The following TMEFF2 variants were observed in gnomAD, a reference collection of about 807,000 sequenced individuals.
TMEFF2 encodes transmembrane protein with EGF like and two follistatin like domains 2, also known as tomoregulin-2.
Under a neutral mutation model 53.8 loss-of-function variants are expected in TMEFF2, and 28 were observed. The ratio of observed to expected loss-of-function variants is 0.52; its 90% CI spans 0.39 to 0.71. The LOEUF is 0.71. Among genes scored for constraint, TMEFF2 ranks in the 30% least tolerant of loss-of-function variants. The pLI, the probability that TMEFF2 is intolerant of heterozygous loss-of-function variation, is 0.00. For synonymous variants in TMEFF2, 162 were observed against 166.3 expected, an observed-to-expected ratio of 0.97 and a Z score of 0.20; for missense variants, 353 against 455.2, an observed-to-expected ratio of 0.78 and a Z score of 2.04.
intron 7 of TMEFF2, among the ~76,000 whole-genome samples, chr2:191,964,023 T>C (rs948957548): frequency 1.3e-5 from 2 of 152,210 alleles, no homozygotes; most frequent in Non-Finnish European, 2.9e-5. Context: ...ACAGAATTGC[T>C]GTCGAAGTCA....
At chr2:192,178,335 G>A (rs1691101034) in intron 4 of TMEFF2, 2 of 148,864 alleles carry the variant, frequency 1.3e-5, no homozygotes, top group South Asian at 2.1e-4. Context: ...GATTTAATAT[G>A]CTATTCTAAG....
At chr2:191,957,342 G>C (rs915160623) in intron 7 of TMEFF2, among the ~76,000 whole-genome samples, 3 of 152,052 alleles carry the variant, frequency 2.0e-5, no homozygotes, top group African/African-American at 7.2e-5. Context: ...GAGAAATATA[G>C]CTTTTATGAA....
intron 7 of TMEFF2, among the ~76,000 whole-genome samples, chr2:191,960,608 G>C (rs1436375542): frequency 6.6e-6 from 1 of 152,102 alleles, no homozygotes; most frequent in Non-Finnish European, 1.5e-5. Flanking sequence ...ATATTTCTCT[G>C]GTAATGCCCC....
chr2:191,983,869 C>A (rs1052221102), intron 7 of TMEFF2, among the ~76,000 whole-genome samples: 1 of 152,178 alleles, frequency 6.6e-6, no homozygotes, highest in Non-Finnish European at 1.5e-5. Flanking sequence ...AATTCAATAT[C>A]GTTTCTAAAT....
chr2:192,051,929 A>AT (rs1384158951), intron 5 of TMEFF2, among the ~76,000 whole-genome samples: 4 of 152,156 alleles, frequency 2.6e-5, no homozygotes, highest in African/African-American at 2.4e-5. Flanking sequence ...TTTGGAACTC[A>AT]TTTTTTTGCA....
intron 4 of TMEFF2, among the ~76,000 whole-genome samples, chr2:192,144,126 G>A (rs765162675): frequency 1.4e-4 from 21 of 151,968 alleles, no homozygotes; most frequent in African/African-American, 3.9e-4. Context: ...TGAAATCTGC[G>A]TTCAAGTACT....
intron 5 of TMEFF2, among the ~76,000 whole-genome samples, chr2:192,046,388 AAG>A (rs1430179645): frequency 6.6e-6 from 1 of 152,042 alleles, no homozygotes; most frequent in Non-Finnish European, 1.5e-5. Context: ...AAAAAGAAAA[AAG>A]AGAAAGAAAT....
chr2:192,153,903 C>T (rs1008756026), intron 4 of TMEFF2, among the ~76,000 whole-genome samples: 2 of 151,830 alleles, frequency 1.3e-5, no homozygotes, highest in Admixed American at 6.6e-5. Flanking sequence ...AACATAAAAT[C>T]GCTTTTTCAT....
chr2:192,078,159 T>G (rs13419057), intron 4 of TMEFF2, among the ~76,000 whole-genome samples: 18,152 of 152,150 alleles, frequency 0.12, 1,339 homozygotes, highest in East Asian at 0.36. Flanking sequence ...ATGACTGAGA[T>G]CTGAGTATAA....
intron 4 of TMEFF2, among the ~76,000 whole-genome samples, chr2:192,166,716 G>A (rs1690778312): frequency 6.6e-6 from 1 of 152,130 alleles, no homozygotes; most frequent in Admixed American, 6.6e-5. Context: ...CAGGGGCCAG[G>A]AGAAAAATGG....
At chr2:192,002,858 C>T (rs934135828) in intron 5 of TMEFF2, among the ~76,000 whole-genome samples, 1 of 151,860 alleles carries the variant, frequency 6.6e-6, no homozygotes, top group Non-Finnish European at 1.5e-5. Flanking sequence ...AACACAAAAA[C>T]GATGAAGCTT....
intron 4 of TMEFF2, among the ~76,000 whole-genome samples, chr2:192,171,339 C>T (rs987921859): frequency 6.6e-6 from 1 of 151,854 alleles, no homozygotes; most frequent in South Asian, 2.1e-4. Context: ...AGAAAAGAAA[C>T]TTTATCTTTT....
chr2:192,067,851 C>T (rs1688202359), intron 4 of TMEFF2, among the ~76,000 whole-genome samples: 1 of 151,774 alleles, frequency 6.6e-6, no homozygotes, highest in African/African-American at 2.4e-5. Context: ...ATTCTGTCAC[C>T]ACGGTAGTAG....
chr2:192,067,872 T>C lies in TMEFF2; in HGVS notation c.440-10097A>G, dbSNP rs183101247. Reference sequence around the variant, plus strand: ...TCACCACGGTAGTAGTTGAGATCTTTATCATACCTTGCCTAAATTTTAAAG... The same window carrying C: ...TCACCACGGTAGTAGTTGAGATCTTCATCATACCTTGCCTAAATTTTAAAG... On this transcript the variant is annotated intron_variant, in intron 4 of 9. Transcript: ENST00000272771. Among the ~76,000 whole-genome samples the C allele has an allele frequency of 1.3e-4, 19 of 151,988 alleles. No homozygotes were observed. In the East Asian group the frequency reaches 2.7e-3, roughly 22 times the overall value.
At chr2:191,979,549 T>C (rs1329410606) in intron 7 of TMEFF2, among the ~76,000 whole-genome samples, 2 of 151,942 alleles carry the variant, frequency 1.3e-5, no homozygotes, top group Non-Finnish European at 1.5e-5. Flanking sequence ...TACAAAACTC[T>C]CCCCTTCCCT....
At chr2:192,073,414 G>GA (rs1688336261) in intron 4 of TMEFF2, among the ~76,000 whole-genome samples, 1 of 151,676 alleles carries the variant, frequency 6.6e-6, no homozygotes, top group Admixed American at 6.6e-5. Flanking sequence ...AGTGCAGCTG[G>GA]GAATGATTTC....
intron 4 of TMEFF2, among the ~76,000 whole-genome samples, chr2:192,121,927 T>A (rs1574391845): frequency 2.0e-5 from 3 of 152,296 alleles, no homozygotes; most frequent in South Asian, 2.1e-4. Context: ...GCTGGATGGA[T>A]AAGGAGTACA....
In TMEFF2 at chr2:192,096,812, G is replaced by A. The variant is rs113446665; in HGVS notation, c.440-39037C>T. Among the ~76,000 whole-genome samples, 1,111 of 151,502 alleles carry A rather than the reference G, an allele frequency of 7.3e-3. 18 individuals are homozygous for A. Among genetic ancestry groups the A allele is most frequent in the African/African-American group, 0.024 (996 of 41,264 alleles). ...CTGCCCAAGCTTCTCGAGTAGCTGGGATTACAGGCATCCACCACCAGGCCC... is the reference window on the plus strand; with the variant it reads ...CTGCCCAAGCTTCTCGAGTAGCTGGAATTACAGGCATCCACCACCAGGCCC... On this transcript the variant is annotated intron_variant, in intron 4 of 9. Coordinates refer to ENST00000272771, the MANE Select transcript of TMEFF2 (RefSeq NM_016192.4).
chr2:192,158,457 T>C (rs1256314785), intron 4 of TMEFF2, among the ~76,000 whole-genome samples: 1 of 152,172 alleles, frequency 6.6e-6, no homozygotes, highest in African/African-American at 2.4e-5. Context: ...TGGTATTTCC[T>C]AATAAATTTT....
Sources: gnomAD v4.1 joint callset for allele counts (sites outside exome capture counted in the v4.1 genomes callset) on GRCh38, gnomAD v4.1.1 for gene constraint, MANE v1.5 for transcripts, NCBI Gene and HGNC (gene_info 2026-07-23, HGNC 2026-07-21) for gene names.